GPM6B: variants seen among roughly 807,000 people sequenced by gnomAD.
The protein encoded by GPM6B is glycoprotein M6B.
Under a neutral mutation model 27.2 loss-of-function variants are expected in GPM6B, and 4 were observed. The ratio of observed to expected loss-of-function variants is 0.15; its 90% CI spans 0.07 to 0.34. The LOEUF is 0.34. Among genes scored for constraint, GPM6B ranks in the 10% least tolerant of loss-of-function variants. The pLI, the probability that GPM6B is intolerant of heterozygous loss-of-function variation, is 1.00. For missense variants in GPM6B, 183 were observed against 261.9 expected (o/e 0.70, Z 2.08); for synonymous variants, 124 against 103.1 (o/e 1.20, Z -1.23).
Position 13,817,049 on chromosome X carries a change from G to A in GPM6B, c.-145C>T. ...CTGTTCTTCACTACAGTAGATTACA[G>A]TCCCTTCCAAGATGCAAAAGTCTTG... On this transcript the variant is annotated 5_prime_UTR_variant, in exon 1 of 8. Coordinates refer to ENST00000316715, the MANE Select transcript of GPM6B (RefSeq NM_001001995.3). 1 of 1,056,236 alleles carries A rather than the reference G, an allele frequency of 9.5e-7. No individual in the cohort carries two copies. Among genetic ancestry groups the A allele is most frequent in the East Asian group, 3.5e-5 (1 of 28,256 alleles). 87.0% of individuals were successfully genotyped at this position (1,056,236 alleles called of 1,213,427 possible).
At chrX:13,865,787 G>GA (rs751356391) in intron 1 of GPM6B, among the ~76,000 whole-genome samples, 14 of 106,283 alleles carry the variant, frequency 1.3e-4, no homozygotes, top group Middle Eastern at 5.0e-3. Flanking sequence ...AAAAATGAAA[G>GA]AAAAAAACCC....
At chrX:13,856,501 G>C (rs1358507208) in intron 1 of GPM6B, among the ~76,000 whole-genome samples, 7 of 111,773 alleles carry the variant, frequency 6.3e-5, no homozygotes, top group Non-Finnish European at 1.3e-4. Context: ...TATGCACAGT[G>C]AAATTTGGAA....
chrX:13,870,659 C>T (rs1441611260), intron 1 of GPM6B, among the ~76,000 whole-genome samples: 1 of 112,452 alleles, frequency 8.9e-6, no homozygotes, highest in Non-Finnish European at 1.9e-5. Context: ...CAGGGAGGTC[C>T]TCAGCTATTA....
chrX:13,838,278 G>C (rs1259927360), intron 1 of GPM6B, among the ~76,000 whole-genome samples: 2 of 111,895 alleles, frequency 1.8e-5, no homozygotes, highest in Non-Finnish European at 3.8e-5. Flanking sequence ...CAACAGGCTG[G>C]AGCTAGCAAA....
chrX:13,885,010 G>A (rs2147019787), intron 1 of GPM6B, among the ~76,000 whole-genome samples: 1 of 111,765 alleles, frequency 8.9e-6, no homozygotes, highest in Non-Finnish European at 1.9e-5. Flanking sequence ...AACATTTGTT[G>A]GGCATCTCTA....
intron 1 of GPM6B, among the ~76,000 whole-genome samples, chrX:13,916,038 C>T (rs749291815): frequency 1.8e-5 from 2 of 111,888 alleles, no homozygotes; most frequent in Non-Finnish European, 3.8e-5. Flanking sequence ...AAGGCTCGGC[C>T]GGATTTTCAG....
intron 1 of GPM6B, among the ~76,000 whole-genome samples, chrX:13,910,573 C>T (rs1477740239): frequency 8.8e-6 from 1 of 113,159 alleles, no homozygotes; most frequent in African/African-American, 3.2e-5. Flanking sequence ...AAGACACTGG[C>T]CCTTGTGATT....
At chrX:13,856,781 C>G (rs1005950167) in intron 1 of GPM6B, among the ~76,000 whole-genome samples, 3 of 107,735 alleles carry the variant, frequency 2.8e-5, no homozygotes, top group African/African-American at 1.0e-4. Context: ...CTCACTGCAG[C>G]CTTGACCTCC....
chrX:13,890,894 C>A (rs923056218), intron 1 of GPM6B, among the ~76,000 whole-genome samples: 1 of 111,296 alleles, frequency 9.0e-6, no homozygotes, highest in African/African-American at 3.3e-5. Flanking sequence ...GATTCTTACA[C>A]CTGTAAAGCT....
intron 1 of GPM6B, among the ~76,000 whole-genome samples, chrX:13,930,880 A>G (rs1195385651): frequency 8.9e-6 from 1 of 112,031 alleles, no homozygotes; most frequent in Non-Finnish European, 1.9e-5. Context: ...AAATTCTTGC[A>G]AATATTTAAG....
At chrX:13,929,322 T>A (rs1921362050) in intron 1 of GPM6B, among the ~76,000 whole-genome samples, 1 of 111,326 alleles carries the variant, frequency 9.0e-6, no homozygotes, top group African/African-American at 3.3e-5. Flanking sequence ...GAGGTTGGCC[T>A]CATTATCGAG....
At chrX:13,887,268 T>C (rs1334942155) in intron 1 of GPM6B, among the ~76,000 whole-genome samples, 4 of 112,555 alleles carry the variant, frequency 3.6e-5, no homozygotes, top group African/African-American at 1.3e-4. Context: ...AGTTAATCAC[T>C]TTGGGTTTCT....
In GPM6B at chrX:13,822,499, G is replaced by A. The variant is rs548956246; in HGVS notation, c.-197-36691C>T. Among the ~76,000 whole-genome samples the A allele has an allele frequency of 5.4e-5, 6 of 110,364 alleles. No individual in the cohort carries two copies. The East Asian group carries it at 1.4e-3, about 26-fold the overall frequency. ...TCCTGCTTCAGCCTCCCCAGTCGCT[G>A]GGACTACAGGCGTGGGGCCACCACG... On this transcript the variant is annotated intron_variant, in intron 1 of 6. Coordinates refer to the GPM6B transcript ENST00000398361.
intron 1 of GPM6B, among the ~76,000 whole-genome samples, chrX:13,872,885 G>T (rs762832750): frequency 4.5e-5 from 5 of 110,984 alleles, no homozygotes; most frequent in Non-Finnish European, 9.4e-5. Flanking sequence ...GTACTTACTC[G>T]GCTTACAGGA....
chrX:13,817,136 A>C, upstream of GPM6B: 1 of 949,211 alleles, frequency 1.1e-6, no homozygotes. Context: ...GCAGGCAGCC[A>C]TACGTCACCG....
At chrX:13,775,647 T>C (rs2048399109) in intron 7 of GPM6B, among the ~76,000 whole-genome samples, 1 of 111,842 alleles carries the variant, frequency 8.9e-6, no homozygotes, top group Admixed American at 9.5e-5. Context: ...GAATCAACAA[T>C]ATATATTAAA....
At position 13,841,091 on chromosome X, in the gene GPM6B, C is replaced by T. The variant is rs756665143; in HGVS notation, c.-197-55283G>A. On this transcript the variant is annotated intron_variant, in intron 1 of 6. Transcript: ENST00000398361. ...GAATAAACATATGTACATGCATGAA[C>T]GCACATGTGCCCACACATACACATT... Among the ~76,000 whole-genome samples, 8 of 111,495 alleles carry T rather than the reference C, an allele frequency of 7.2e-5. No homozygotes were observed. The South Asian group carries it at 1.5e-3, about 21-fold the overall frequency.
At chrX:13,868,148 G>A (rs2049938625) in intron 1 of GPM6B, among the ~76,000 whole-genome samples, 1 of 108,597 alleles carries the variant, frequency 9.2e-6, no homozygotes, top group Non-Finnish European at 1.9e-5. Context: ...GCTGGGGAAA[G>A]AATTTTCCAG....
At position 13,859,350 on chromosome X, in the gene GPM6B, C is replaced by A. The variant is rs763568315; in HGVS notation, c.-197-73542G>T. ...ACACAGTATGTTTGTGTTTCTATTT[C>A]TTCACTTAACATAATGTTTGAGATT... On this transcript the variant is annotated intron_variant, in intron 1 of 6. Coordinates refer to the GPM6B transcript ENST00000398361. Among the ~76,000 whole-genome samples, 7 of 111,977 alleles carry A rather than the reference C, an allele frequency of 6.3e-5. No homozygotes were observed. In the South Asian group the frequency reaches 2.6e-3, roughly 42 times the overall value.
Sources: allele counts gnomAD v4.1 joint callset (sites outside exome capture counted in the v4.1 genomes callset), GRCh38; gene constraint gnomAD v4.1.1; transcripts MANE v1.5; gene names NCBI Gene and HGNC (gene_info 2026-07-23, HGNC 2026-07-21).